SYT12: variants seen among roughly 807,000 people sequenced by gnomAD.
SYT12 encodes the protein synaptotagmin 12, also known as synaptotagmin-12.
In SYT12, 27 loss-of-function variants were observed where a neutral mutation model predicts 39.5. The observed-to-expected ratio is 0.68, with a 90% CI of 0.50 to 0.94. The LOEUF (loss-of-function observed/expected upper bound fraction) is 0.94, where lower values mean the gene tolerates loss of function less well. Ranked by LOEUF, SYT12 falls within the 40% of genes least tolerant of loss-of-function variation. SYT12 has a pLI of 0.00. For missense variants in SYT12, 536 were observed against 572.6 expected (o/e 0.94, Z 0.65); for synonymous variants, 233 against 239.7 (o/e 0.97, Z 0.26).
intron 3 of SYT12, among the ~76,000 whole-genome samples, chr11:67,035,941 G>A (rs571567264): frequency 3.6e-5 from 5 of 138,086 alleles, no homozygotes; most frequent in African/African-American, 1.4e-4. Context: ...TTGAGACAGG[G>A]TCTCACTCTG....
rs1854532162 is a variant in SYT12, at chr11:67,045,894, G to T, written c.1092+17G>T. 1 of 1,613,734 alleles carries T rather than the reference G, an allele frequency of 6.2e-7. No homozygotes were observed. Among genetic ancestry groups the T allele is most frequent in the African/African-American group, 1.3e-5 (1 of 74,902 alleles). Reference sequence around the variant, plus strand: ...GTGCTCCAGGTGAGGGGGGCTGGGGGATGGGAAGGGGCCAGGTCACCCCAG... The same window carrying T: ...GTGCTCCAGGTGAGGGGGGCTGGGGTATGGGAAGGGGCCAGGTCACCCCAG... On this transcript the variant is annotated intron_variant, in intron 7 of 7. Coordinates refer to ENST00000527043, the MANE Select transcript of SYT12 (RefSeq NM_177963.4).
chr11:67,012,477 T>C (rs1401588721), intron 3 of SYT12, among the ~76,000 whole-genome samples: 2 of 152,230 alleles, frequency 1.3e-5, no homozygotes, highest in African/African-American at 4.8e-5. Context: ...ACCTTTGTGC[T>C]GCCACATCAC....
rs1453677087 is a variant in SYT12 at position 67,043,629 on chromosome 11, C to G, written c.622-9C>G. 6.2e-7 allele frequency: 1 copy of G among 1,614,018 alleles called. No homozygotes were observed. The highest frequency in any genetic ancestry group is 1.1e-5 in the South Asian group (1 of 91,068). The stretch of plus-strand genomic sequence containing the variant: ...CCCCTAGCGCCCTCCATGGCCTTTT[C>G]TCCTGCAGATCCAGAGAAATGCCTA... On this transcript the variant is annotated splice_polypyrimidine_tract_variant and intron_variant, in intron 4 of 7. Coordinates refer to ENST00000527043, the MANE Select transcript of SYT12 (RefSeq NM_177963.4).
At chr11:67,048,522 A>C in intron 7 of SYT12, 62 bp from the exon 8 acceptor site, 1 of 1,555,458 alleles carries the variant, frequency 6.4e-7, no homozygotes, top group Non-Finnish European at 8.8e-7. Context: ...CCTTGAACCC[A>C]GAGGCCAAGA....
At chr11:67,026,459 G>T (rs1181062735) in intron 1 of SYT12, among the ~76,000 whole-genome samples, 1 of 152,098 alleles carries the variant, frequency 6.6e-6, no homozygotes. Flanking sequence ...TTTTAGCAGA[G>T]ATGGGGTTTC....
intron 1 of SYT12, chr11:67,029,884 A>T (rs1326464329): frequency 2.1e-6 from 1 of 468,222 alleles, no homozygotes; most frequent in Non-Finnish European, 3.8e-6. Flanking sequence ...AAAATCTGAA[A>T]TTCACATGCC....
chr11:67,022,390 C>A (rs7930695), upstream of SYT12, among the ~76,000 whole-genome samples: 1,090 of 152,312 alleles, frequency 7.2e-3, 4 homozygotes, highest in Non-Finnish European at 0.012. Flanking sequence ...AGCCTGCTCC[C>A]CTGGTTACTG....
chr11:67,009,473 G>C (rs1200680277), intron 1 of SYT12, among the ~76,000 whole-genome samples: 1 of 152,124 alleles, frequency 6.6e-6, no homozygotes, highest in South Asian at 2.1e-4. Flanking sequence ...TGTATTTTTA[G>C]TAGAGACTGG....
exon 1 of SYT12, among the ~76,000 whole-genome samples, chr11:67,023,124 GCGCTTGGGGAT>G (rs1950130914): frequency 6.6e-6 from 1 of 152,170 alleles, no homozygotes; most frequent in African/African-American, 2.4e-5. Flanking sequence ...GATCCCGGAC[GCGCTTGGGGAT>G]CTCCGGCTCG....
At chr11:67,035,880 T>TTCCCTCCCTCCC (rs1175391275) in intron 3 of SYT12, among the ~76,000 whole-genome samples, 1 of 115,270 alleles carries the variant, frequency 8.7e-6, no homozygotes, top group Non-Finnish European at 1.7e-5. Context: ...CTTTCTTTCT[T>TTCCCTCCCTCCC]TCCCTCCCTC....
chr11:67,044,121 C>A (rs1387614373), intron 5 of SYT12, among the ~76,000 whole-genome samples: 1 of 152,232 alleles, frequency 6.6e-6, no homozygotes, highest in Non-Finnish European at 1.5e-5. Flanking sequence ...GCTAGAGAAA[C>A]ATTCCTCTAG....
intron 2 of SYT12, chr11:67,032,873 C>G (rs1950296231): frequency 6.7e-6 from 1 of 150,370 alleles, no homozygotes; most frequent in African/African-American, 2.5e-5. Context: ...CCATTGCACT[C>G]CAGCCTGGGC....
intron 7 of SYT12, among the ~76,000 whole-genome samples, chr11:67,046,604 G>A (rs574370974): frequency 5.3e-5 from 8 of 152,318 alleles, no homozygotes; most frequent in East Asian, 3.9e-4. Context: ...TTCCTAACCC[G>A]GGCACACCCC....
At chr11:67,013,296 G>A (rs1374803007) in intron 3 of SYT12, among the ~76,000 whole-genome samples, 1 of 152,130 alleles carries the variant, frequency 6.6e-6, no homozygotes, top group Non-Finnish European at 1.5e-5. Context: ...TCACTGTGGG[G>A]GCCCTGGCCA....
chr11:67,013,594 G>T (rs1214133979), intron 3 of SYT12, among the ~76,000 whole-genome samples: 1 of 152,072 alleles, frequency 6.6e-6, no homozygotes, highest in African/African-American at 2.4e-5. Flanking sequence ...CCCTCCCTGG[G>T]CCAGGATCCC....
chr11:67,032,317 T>C (rs1950284596), intron 2 of SYT12: 1 of 152,220 alleles, frequency 6.6e-6, no homozygotes, highest in South Asian at 2.1e-4. Context: ...GGTGGGACCT[T>C]CAGGCTGTCT....
chr11:67,020,593 C>T (rs146424735), upstream of SYT12, among the ~76,000 whole-genome samples: 1 of 152,286 alleles, frequency 6.6e-6, no homozygotes, highest in East Asian at 1.9e-4. Context: ...CTCCCGTAGG[C>T]CCCTCTAGTC....
At chr11:67,032,994 G>A (rs1950299201) in intron 2 of SYT12, 1 of 152,944 alleles carries the variant, frequency 6.5e-6, no homozygotes, top group Non-Finnish European at 1.5e-5. Context: ...CAGGGCTGGA[G>A]GCCAGTGAGT....
Position 67,045,730 on chromosome 11 carries a change from C to T in SYT12, c.959-14C>T, listed in dbSNP as rs752466406. 31 of 1,612,490 alleles carry T rather than the reference C, an allele frequency of 1.9e-5. No homozygotes were observed. The highest frequency in any genetic ancestry group is 1.0e-4 in the Admixed American group (6 of 59,770). ...GAGTGTGACACTGGCCCTCACCTGTCCGCCTGCCCACAGACCCCTTCGTCA... is the reference window on the plus strand; with the variant it reads ...GAGTGTGACACTGGCCCTCACCTGTTCGCCTGCCCACAGACCCCTTCGTCA... On this transcript the variant is annotated splice_polypyrimidine_tract_variant and intron_variant, in intron 6 of 7. Transcript: ENST00000527043.
Sources: gnomAD v4.1 joint callset for allele counts (sites outside exome capture counted in the v4.1 genomes callset) on GRCh38, gnomAD v4.1.1 for gene constraint, MANE v1.5 for transcripts, NCBI Gene and HGNC (gene_info 2026-07-23, HGNC 2026-07-21) for gene names.